The following TNR variants were observed in gnomAD, a reference collection of about 807,000 sequenced individuals.
The protein encoded by TNR is tenascin R.
TNR carries 45 observed loss-of-function variants against 150.4 expected under a neutral mutation model. The ratio of observed to expected loss-of-function variants is 0.30; its 90% confidence interval spans 0.24 to 0.38. The LOEUF is 0.38. TNR is among the 10% of genes least tolerant of loss of function. The pLI is 1.00. For missense variants in TNR, 1,544 were observed against 1,759.1 expected (o/e 0.88, Z 2.19); for synonymous variants, 687 against 678.4 (o/e 1.01, Z -0.20).
intron 1 of TNR, among the ~76,000 whole-genome samples, chr1:175,623,516 C>G (rs1664046419): frequency 6.6e-6 from 1 of 152,096 alleles, no homozygotes; most frequent in Non-Finnish European, 1.5e-5. Flanking sequence ...GTCCCTCCTT[C>G]TTTTTCTGGC....
At chr1:175,434,319 G>A (rs1006425554) in intron 2 of TNR, among the ~76,000 whole-genome samples, 5 of 152,132 alleles carry the variant, frequency 3.3e-5, no homozygotes, top group African/African-American at 1.2e-4. Flanking sequence ...CCCTGGGCCT[G>A]ATAATGGATC....
intron 1 of TNR, among the ~76,000 whole-genome samples, chr1:175,624,445 TA>T (rs1173487771): frequency 6.6e-6 from 1 of 151,866 alleles, no homozygotes; most frequent in Non-Finnish European, 1.5e-5. Context: ...GGTATCTTTA[TA>T]AAAAAAGGAG....
At chr1:175,498,527 A>G (rs1658584475) in intron 2 of TNR, among the ~76,000 whole-genome samples, 2 of 152,236 alleles carry the variant, frequency 1.3e-5, no homozygotes, top group African/African-American at 4.8e-5. Context: ...AGAGCAAAAT[A>G]GCCTTCTGTT....
intron 2 of TNR, among the ~76,000 whole-genome samples, chr1:175,487,623 T>A (rs996490893): frequency 8.5e-5 from 13 of 152,170 alleles, no homozygotes; most frequent in Admixed American, 3.3e-4. Flanking sequence ...CAAAACTCCA[T>A]TAATCCCTGC....
intron 2 of TNR, among the ~76,000 whole-genome samples, chr1:175,430,491 C>T (rs1038379837): frequency 1.1e-4 from 16 of 152,160 alleles, no homozygotes; most frequent in Non-Finnish European, 2.1e-4. Flanking sequence ...TTTCCCACTA[C>T]TCTCACTCCC....
intron 7 of TNR, among the ~76,000 whole-genome samples, chr1:175,387,822 G>A (rs1372368855): frequency 6.6e-6 from 1 of 152,216 alleles, no homozygotes; most frequent in Admixed American, 6.5e-5. Context: ...GAGGCTTTCA[G>A]TTTTTCAAGG....
chr1:175,616,222 C>T (rs530163037), intron 1 of TNR, among the ~76,000 whole-genome samples: 1 of 152,296 alleles, frequency 6.6e-6, no homozygotes, highest in East Asian at 1.9e-4. Context: ...TTTATCTGAT[C>T]TCTTTGCCCT....
intron 1 of TNR, among the ~76,000 whole-genome samples, chr1:175,543,324 G>C (rs1220781234): frequency 6.6e-6 from 1 of 152,152 alleles, no homozygotes; most frequent in Non-Finnish European, 1.5e-5. Flanking sequence ...GGAGAGACAG[G>C]TTCTAGAAAA....
At chr1:175,699,089 A>T (rs1473098948) in intron 1 of TNR, among the ~76,000 whole-genome samples, 1 of 152,138 alleles carries the variant, frequency 6.6e-6, no homozygotes, top group Non-Finnish European at 1.5e-5. Flanking sequence ...AAGTGATAAG[A>T]AGTGGTTTGA....
intron 1 of TNR, among the ~76,000 whole-genome samples, chr1:175,575,511 C>T (rs1318141183): frequency 1.3e-5 from 2 of 152,162 alleles, no homozygotes; most frequent in African/African-American, 2.4e-5. Context: ...AGGAACATGC[C>T]AACCATCATT....
At chr1:175,626,102 C>T (rs1260121812) in intron 1 of TNR, among the ~76,000 whole-genome samples, 1 of 152,174 alleles carries the variant, frequency 6.6e-6, no homozygotes, top group African/African-American at 2.4e-5. Context: ...CTTGCCACTG[C>T]CATGTAAGAA....
At chr1:175,689,138 T>C (rs1363397423) in intron 1 of TNR, among the ~76,000 whole-genome samples, 1 of 152,210 alleles carries the variant, frequency 6.6e-6, no homozygotes, top group Non-Finnish European at 1.5e-5. Context: ...TGATGGCTCA[T>C]GTGAAGCCCA....
chr1:175,584,011 T>C (rs544754459), intron 1 of TNR, among the ~76,000 whole-genome samples: 34 of 152,310 alleles, frequency 2.2e-4, no homozygotes, highest in African/African-American at 7.7e-4. Context: ...GACACCTTTC[T>C]TGACCCTATT....
At chr1:175,694,725 C>T (rs1056470503) in intron 1 of TNR, among the ~76,000 whole-genome samples, 10 of 152,120 alleles carry the variant, frequency 6.6e-5, no homozygotes, top group Non-Finnish European at 1.5e-4. Flanking sequence ...GCCCTAATCC[C>T]CTATGGCTGG....
At chr1:175,489,793 A>G (rs1557965167) in intron 2 of TNR, among the ~76,000 whole-genome samples, 1 of 152,204 alleles carries the variant, frequency 6.6e-6, no homozygotes, top group Admixed American at 6.5e-5. Context: ...TCCTATATAC[A>G]TACATATACA....
intron 2 of TNR, among the ~76,000 whole-genome samples, chr1:175,493,210 A>C (rs1016205394): frequency 2.0e-5 from 3 of 152,142 alleles, no homozygotes; most frequent in African/African-American, 7.2e-5. Context: ...GGCTGGTAGA[A>C]ACAAAATGGG....
chr1:175,386,659 G>A lies in TNR; in HGVS notation c.1508-358C>T, dbSNP rs1419632744. Among the ~76,000 whole-genome samples, 4 of 151,912 alleles carry A rather than the reference G, an allele frequency of 2.6e-5. No individual in the cohort carries two copies. In the East Asian group the frequency reaches 7.7e-4, roughly 29 times the overall value. ...GAATTGAGAACTGGGTTTCTGGCGTGTGTCTGCCACTCAGCTCTCACCTCT... is the reference window on the plus strand; with the variant it reads ...GAATTGAGAACTGGGTTTCTGGCGTATGTCTGCCACTCAGCTCTCACCTCT... On this transcript the variant is annotated intron_variant, in intron 7 of 22. Transcript: ENST00000367674.
At chr1:175,406,064 A>T in intron 3 of TNR, 152 bp downstream of exon 3, 7 of 1,004,998 alleles carry the variant, frequency 7.0e-6, no homozygotes, top group Non-Finnish European at 1.0e-5. Flanking sequence ...AGACTAGGAC[A>T]CTTTTTTCCT....
chr1:175,695,097 C>T (rs1388751323), intron 1 of TNR, among the ~76,000 whole-genome samples: 3 of 152,174 alleles, frequency 2.0e-5, no homozygotes, highest in Non-Finnish European at 4.4e-5. Context: ...TACTGGCTCC[C>T]CTCTAAGAAG....
Sources: gnomAD v4.1 joint callset for allele counts (sites outside exome capture counted in the v4.1 genomes callset) on GRCh38, gnomAD v4.1.1 for gene constraint, MANE v1.5 for transcripts, NCBI Gene and HGNC (gene_info 2026-07-23, HGNC 2026-07-21) for gene names.